Variants in PACRG observed in about 807,000 individuals in gnomAD.
PACRG encodes parkin coregulated gene protein.
PACRG carries 29 observed loss-of-function variants against 29.7 expected under a neutral mutation model. That is an observed-to-expected ratio of 0.98 (90% CI 0.73 to 1.33). The LOEUF (loss-of-function observed/expected upper bound fraction) is 1.33. PACRG is among the 40% of genes most tolerant of loss of function. PACRG has a pLI of 0.00. For synonymous variants in PACRG, 116 were observed against 118.7 expected (o/e 0.98, Z 0.15); for missense variants, 279 against 316.2 (o/e 0.88, Z 0.89).
At chr6:163,295,435 T>A (rs909495228) in intron 4 of PACRG, among the ~76,000 whole-genome samples, 2 of 152,188 alleles carry the variant, frequency 1.3e-5, no homozygotes, top group African/African-American at 4.8e-5. Flanking sequence ...AGCCGAGGCT[T>A]CAGCTTTAGG....
chr6:163,006,002 CATTTATATGTTATATACATTAT>C (rs1333524500), intron 2 of PACRG, among the ~76,000 whole-genome samples: 1 of 139,934 alleles, frequency 7.1e-6, no homozygotes, highest in African/African-American at 2.8e-5. Context: ...CTGTGTATAA[CATTTATATGTTATATACATTAT>C]ATATGTTATA....
chr6:163,027,160 C>G lies in PACRG; in HGVS notation c.292-34990C>G, dbSNP rs58206091. The stretch of plus-strand genomic sequence containing the variant: ...ACATAATTATAGGATGAGAAATTTA[C>G]TTTTGATCTGGGCTGGAAATAGAGT... On this transcript the variant is annotated intron_variant, in intron 2 of 4. Transcript: ENST00000366888. Among the ~76,000 whole-genome samples, 665 of 152,290 alleles carry G rather than the reference C, an allele frequency of 4.4e-3. 6 individuals carry two copies. Among genetic ancestry groups the G allele is most frequent in the African/African-American group, 0.015 (640 of 41,556 alleles).
intron 4 of PACRG, among the ~76,000 whole-genome samples, chr6:163,251,267 A>C (rs1036332305): frequency 1.3e-5 from 2 of 152,046 alleles, no homozygotes; most frequent in Admixed American, 6.5e-5. Context: ...AAAATAAAAT[A>C]TTAATAATAA....
At position 162,966,208 on chromosome 6, in the gene PACRG, G is replaced by A. The variant is rs111704176; in HGVS notation, c.292-95942G>A. Among the ~76,000 whole-genome samples the A allele has an allele frequency of 9.1e-3, 1,383 of 152,354 alleles. 15 individuals carry two copies. Among genetic ancestry groups the A allele is most frequent in the African/African-American group, 0.024 (1,000 of 41,592 alleles). On this transcript the variant is annotated intron_variant, in intron 2 of 4. Transcript: ENST00000366888. ...ACAAGTAACTAATCTTATTTCCTAA[G>A]ACATCTTTATCAGAGAAGCCTCATG...
chr6:163,142,104 A>G (rs1019575662), intron 4 of PACRG, among the ~76,000 whole-genome samples: 6 of 152,174 alleles, frequency 3.9e-5, no homozygotes, highest in African/African-American at 1.4e-4. Context: ...TGAATTTATA[A>G]TTCATAAGCT....
intron 2 of PACRG, among the ~76,000 whole-genome samples, chr6:162,997,899 A>G (rs1804224394): frequency 6.6e-6 from 1 of 152,086 alleles, no homozygotes; most frequent in Non-Finnish European, 1.5e-5. Flanking sequence ...TTCTTTTTGT[A>G]GTCTGGATGC....
intron 2 of PACRG, among the ~76,000 whole-genome samples, chr6:162,958,157 G>A (rs1355522509): frequency 5.9e-5 from 9 of 152,144 alleles, no homozygotes; most frequent in Non-Finnish European, 2.9e-5. Flanking sequence ...TTAGACCAGT[G>A]TGGCTTATGA....
intron 4 of PACRG, among the ~76,000 whole-genome samples, chr6:163,271,064 C>T (rs1783807201): frequency 1.3e-5 from 2 of 152,090 alleles, no homozygotes; most frequent in Admixed American, 1.3e-4. Context: ...GGGAAGCCAA[C>T]AGTGCAGCCT....
At chr6:162,981,305 A>ATATT (rs925663285) in intron 2 of PACRG, among the ~76,000 whole-genome samples, 6 of 149,132 alleles carry the variant, frequency 4.0e-5, no homozygotes, top group African/African-American at 1.5e-4. Flanking sequence ...ATATATATAT[A>ATATT]TTTACAATGG....
rs187018132 is a variant in PACRG at position 163,080,365 on chromosome 6, G to A, written c.464-8894G>A. ...GAGGAGCAAGGAGCTCCAAAGACACGAACCTGCCCCGCCTCTGACAGTGCC... is the reference window on the plus strand; with the variant it reads ...GAGGAGCAAGGAGCTCCAAAGACACAAACCTGCCCCGCCTCTGACAGTGCC... On this transcript the variant is annotated intron_variant, in intron 3 of 4. Coordinates refer to ENST00000366888, the MANE Select transcript of PACRG (RefSeq NM_001080379.2). 4.1e-3 allele frequency among the ~76,000 whole-genome samples: 617 copies of A among 152,194 alleles called. 2 individuals carry two copies. Among genetic ancestry groups the A allele is most frequent in the Non-Finnish European group, 5.5e-3 (371 of 68,014 alleles).
chr6:163,173,109 A>G (rs562266455), intron 4 of PACRG, among the ~76,000 whole-genome samples: 1 of 152,244 alleles, frequency 6.6e-6, no homozygotes, highest in South Asian at 2.1e-4. Flanking sequence ...TTGTGTGAAT[A>G]CACACACGTT....
chr6:162,895,636 A>G, intron 2 of PACRG, among the ~76,000 whole-genome samples: 1 of 152,208 alleles, frequency 6.6e-6, no homozygotes, highest in East Asian at 1.9e-4. Flanking sequence ...ATCTCTCCAA[A>G]TATGTTGGTT....
At chr6:163,058,743 C>G (rs930701294) in intron 2 of PACRG, among the ~76,000 whole-genome samples, 5 of 152,100 alleles carry the variant, frequency 3.3e-5, no homozygotes, top group African/African-American at 9.7e-5. Context: ...AAACAAAATA[C>G]AAAAAATTTA....
At chr6:163,276,253 C>A (rs138746488) in intron 4 of PACRG, among the ~76,000 whole-genome samples, 1,638 of 152,094 alleles carry the variant, frequency 0.011, 29 homozygotes, top group African/African-American at 0.038. Context: ...GTCTTGAACT[C>A]CTGGGCTCAA....
intron 2 of PACRG, among the ~76,000 whole-genome samples, chr6:162,964,527 G>A (rs1800876553): frequency 6.6e-6 from 1 of 152,180 alleles, no homozygotes. Context: ...GGCCTATGAA[G>A]GCTGGAAGGA....
intron 2 of PACRG, among the ~76,000 whole-genome samples, chr6:162,887,480 A>G (rs1794431677): frequency 6.6e-6 from 1 of 152,182 alleles, no homozygotes; most frequent in Non-Finnish European, 1.5e-5. Flanking sequence ...ATGTGACCAC[A>G]GATGTTTTGG....
intron 2 of PACRG, among the ~76,000 whole-genome samples, chr6:162,978,725 G>A (rs1396827028): frequency 6.6e-6 from 1 of 151,960 alleles, no homozygotes; most frequent in African/African-American, 2.4e-5. Context: ...CAGAGTTGAA[G>A]GAAAATAGTG....
intron 2 of PACRG, among the ~76,000 whole-genome samples, chr6:162,817,997 G>A (rs1787505023): frequency 6.6e-6 from 1 of 151,808 alleles, no homozygotes; most frequent in African/African-American, 2.4e-5. Flanking sequence ...GAAATCTACC[G>A]GCAAGCCCAG....
At chr6:163,173,856 A>G (rs567180061) in intron 4 of PACRG, among the ~76,000 whole-genome samples, 34 of 152,212 alleles carry the variant, frequency 2.2e-4, no homozygotes, top group Non-Finnish European at 4.3e-4. Flanking sequence ...TGTCCTCTCC[A>G]TAGCCAAAGG....
Sources: gnomAD v4.1 joint callset for allele counts (sites outside exome capture counted in the v4.1 genomes callset) on GRCh38, gnomAD v4.1.1 for gene constraint, MANE v1.5 for transcripts, NCBI Gene and HGNC (gene_info 2026-07-23, HGNC 2026-07-21) for gene names.